Variants in PLEKHG1 observed in about 807,000 individuals in gnomAD.
PLEKHG1 encodes pleckstrin homology and RhoGEF domain containing G1, also known as pleckstrin homology domain-containing family G member 1.
Under a neutral mutation model 100.8 loss-of-function variants are expected in PLEKHG1, and 44 were observed. That is an observed-to-expected ratio of 0.44 (90% CI 0.34 to 0.56). PLEKHG1 has a LOEUF of 0.56. Among genes scored for constraint, PLEKHG1 ranks in the 20% least tolerant of loss-of-function variants. PLEKHG1 has a pLI of 0.01. For missense variants in PLEKHG1, 1,545 were observed against 1,720.9 expected, an observed-to-expected ratio of 0.90 and a Z score of 1.81; for synonymous variants, 640 against 662.5, an observed-to-expected ratio of 0.97 and a Z score of 0.52.
chr6:150,603,100 A>T (rs996027800), intron 1 of PLEKHG1, among the ~76,000 whole-genome samples: 1 of 150,826 alleles, frequency 6.6e-6, no homozygotes, highest in African/African-American at 2.4e-5. Context: ...AAAATAAAAA[A>T]AAAGAAAAGA....
intron 6 of PLEKHG1, among the ~76,000 whole-genome samples, chr6:150,802,884 T>G (rs1241079779): frequency 6.6e-6 from 1 of 152,002 alleles, no homozygotes; most frequent in Non-Finnish European, 1.5e-5. Context: ...ATGGTCTCGA[T>G]CTCTTGACCC....
rs556157575 is a variant in PLEKHG1, at chr6:150,680,622, G to A, written c.-99+29836G>A. On this transcript the variant is annotated intron_variant, in intron 3 of 3. Transcript: ENST00000367326. ...TCTAAGGGGCCATGGTCCCCAAAGC[G>A]GGACAGTGCTTAGTATGAAAACAGT... Among the ~76,000 whole-genome samples the A allele has an allele frequency of 1.3e-3, 204 of 152,316 alleles. 1 individual carries two copies. Among genetic ancestry groups the A allele is most frequent in the African/African-American group, 4.6e-3 (190 of 41,552 alleles).
intron 4 of PLEKHG1, among the ~76,000 whole-genome samples, chr6:150,787,640 G>A (rs1334908158): frequency 6.6e-6 from 1 of 152,194 alleles, no homozygotes; most frequent in African/African-American, 2.4e-5. Flanking sequence ...GGGAGATGTC[G>A]CTCCAGTCTG....
rs143761464 is a variant in PLEKHG1 at position 150,612,478 on chromosome 6, G to T, written c.-204+12461G>T. Among the ~76,000 whole-genome samples the T allele has an allele frequency of 5.0e-3, 759 of 152,094 alleles. 7 individuals carry two copies. The highest frequency in any genetic ancestry group is 0.018 in the African/African-American group (730 of 41,484). ...CTCCCGAATAGCTGGGATTACAGGC[G>T]CCTGCCATCACACTTGGCTAATTTT... On this transcript the variant is annotated intron_variant, in intron 1 of 3. Transcript: ENST00000367326.
At chr6:150,615,946 T>C (rs1777057658) in intron 1 of PLEKHG1, among the ~76,000 whole-genome samples, 1 of 152,222 alleles carries the variant, frequency 6.6e-6, no homozygotes, top group Non-Finnish European at 1.5e-5. Flanking sequence ...TTTACTAATT[T>C]CATGCTCACA....
intron 4 of PLEKHG1, among the ~76,000 whole-genome samples, chr6:150,791,208 A>G (rs1205414088): frequency 1.3e-5 from 2 of 152,136 alleles, no homozygotes; most frequent in East Asian, 1.9e-4. Flanking sequence ...CCAGCAATCT[A>G]TGTTTTAACA....
rs10566696 is a variant in PLEKHG1 at position 150,671,088 on chromosome 6, C to CATATATATATATAT, written c.-99+20312_-99+20325dup. The stretch of plus-strand genomic sequence containing the variant: ...TTTTTATGGTTACATAGTATTCCAT[C>CATATATATATATAT]ATATATATATATATATATATATACA... On this transcript the variant is annotated intron_variant, in intron 3 of 3. Transcript: ENST00000367326. Among the ~76,000 whole-genome samples the CATATATATATATAT allele has an allele frequency of 5.0e-3, 730 of 147,448 alleles. 3 individuals are homozygous for CATATATATATATAT. The highest frequency in any genetic ancestry group is 7.9e-3 in the Non-Finnish European group (529 of 66,800).
In PLEKHG1 at chr6:150,785,808, C is replaced by G. The variant is rs538724379; in HGVS notation, c.513-582C>G. On this transcript the variant is annotated intron_variant, in intron 3 of 15. Coordinates refer to ENST00000358517, the Ensembl canonical transcript of PLEKHG1. Reference sequence around the variant, plus strand: ...AGTGAAGCTGAGCTCCACCTCCTGTCAGATCAGTGGCAGCATTAGATTCTC... The same window carrying G: ...AGTGAAGCTGAGCTCCACCTCCTGTGAGATCAGTGGCAGCATTAGATTCTC... Among the ~76,000 whole-genome samples the G allele has an allele frequency of 2.0e-4, 31 of 152,132 alleles. No homozygotes were observed. The East Asian group carries it at 2.9e-3, about 14-fold the overall frequency.
intron 3 of PLEKHG1, among the ~76,000 whole-genome samples, chr6:150,702,926 G>A (rs4869936): frequency 0.19 from 29,658 of 152,094 alleles, 5,030 homozygotes; most frequent in African/African-American, 0.47. Context: ...CCTCCCGTGG[G>A]CTAGCAGCCT....
At chr6:150,610,734 TTGAA>T (rs1776792994) in intron 1 of PLEKHG1, among the ~76,000 whole-genome samples, 1 of 152,202 alleles carries the variant, frequency 6.6e-6, no homozygotes, top group African/African-American at 2.4e-5. Context: ...TTGTTTTTGT[TTGAA>T]TGATTTTCTG....
chr6:150,774,481 A>C (rs1784853677), intron 3 of PLEKHG1, among the ~76,000 whole-genome samples: 1 of 151,734 alleles, frequency 6.6e-6, no homozygotes, highest in South Asian at 2.1e-4. Flanking sequence ...TACTAGAATA[A>C]ACCCTACCCA....
At position 150,800,643 on chromosome 6, in the gene PLEKHG1, C is replaced by G. The variant is rs187980564; in HGVS notation, c.630-76C>G. ...CCCTACTCATTTTAGGGCATTTACA[C>G]TTGCAATAGCATTTAAAATTTGAAT... is the stretch of plus-strand genomic sequence containing the variant. On this transcript the variant is annotated intron_variant, in intron 5 of 15. Transcript: ENST00000358517. The G allele has an allele frequency of 1.9e-5, 26 of 1,387,220 alleles. No homozygotes were observed. The Admixed American group carries it at 3.2e-4, about 17-fold the overall frequency. 85.9% of individuals were successfully genotyped at this position (1,387,220 alleles called of 1,614,324 possible). A position where few individuals can be genotyped will look rare whatever the true frequency, so the allele number is the denominator to read the frequency against.
chr6:150,789,413 A>G lies in PLEKHG1; in HGVS notation c.582+2954A>G, dbSNP rs531452202. 2.0e-5 allele frequency among the ~76,000 whole-genome samples: 3 copies of G among 152,318 alleles called. 1 individual carries two copies. The highest frequency in any genetic ancestry group is 4.1e-4 in the South Asian group (2 of 4,832). ...TGTGAAACCATCATTTGTAAGGTCC[A>G]CAGAGCTTCACAAACCTAAGGGCAA... On this transcript the variant is annotated intron_variant, in intron 4 of 15. Coordinates refer to ENST00000358517, the Ensembl canonical transcript of PLEKHG1.
At chr6:150,833,562 GAT>G (rs1290488752) in intron 15 of PLEKHG1, among the ~76,000 whole-genome samples, 1 of 151,994 alleles carries the variant, frequency 6.6e-6, no homozygotes, top group African/African-American at 2.4e-5. Context: ...ATTTAACACT[GAT>G]CTCTGGGGAA....
rs776227437 is a variant in PLEKHG1, at chr6:150,627,229, CAG to C, written c.-203-10847_-203-10846del. ...CTTAAAAGGCACTTTTTGTGGCAGT[CAG>C]AGATGTCAAGTTTTTAATCATTTCT... On this transcript the variant is annotated intron_variant, in intron 1 of 3. Coordinates refer to the PLEKHG1 transcript ENST00000367326. Among the ~76,000 whole-genome samples the C allele has an allele frequency of 5.9e-5, 9 of 152,254 alleles. No homozygotes were observed. The East Asian group carries it at 1.5e-3, about 26-fold the overall frequency.
At chr6:150,794,298 A>T (rs1293233158) in intron 4 of PLEKHG1, among the ~76,000 whole-genome samples, 1 of 152,190 alleles carries the variant, frequency 6.6e-6, no homozygotes, top group African/African-American at 2.4e-5. Context: ...AAAAAAAGGA[A>T]ATATGAATAG....
intron 6 of PLEKHG1, among the ~76,000 whole-genome samples, chr6:150,803,487 TAG>T (rs1562531630): frequency 6.6e-6 from 1 of 152,192 alleles, no homozygotes; most frequent in South Asian, 2.1e-4. Context: ...TCTCTATCCT[TAG>T]ACTCTTGAGG....
intron 3 of PLEKHG1, among the ~76,000 whole-genome samples, chr6:150,692,322 T>C (rs1359950848): frequency 2.0e-5 from 3 of 152,252 alleles, no homozygotes; most frequent in Non-Finnish European, 4.4e-5. Context: ...TAATAGACTC[T>C]TGTACTCTTA....
intron 3 of PLEKHG1, among the ~76,000 whole-genome samples, chr6:150,651,509 C>T (rs917231003): frequency 4.6e-5 from 7 of 152,164 alleles, no homozygotes; most frequent in South Asian, 2.1e-4. Flanking sequence ...ACTGGGATTA[C>T]AGGTGAGAGC....
Sources: allele counts gnomAD v4.1 joint callset (sites outside exome capture counted in the v4.1 genomes callset), GRCh38; gene constraint gnomAD v4.1.1; transcripts MANE v1.5; gene names NCBI Gene and HGNC (gene_info 2026-07-23, HGNC 2026-07-21).